The following ROBO1 variants were observed in gnomAD, a reference collection of about 807,000 sequenced individuals.
The protein encoded by ROBO1 is roundabout guidance receptor 1.
In ROBO1, 149 loss-of-function variants were observed where a neutral mutation model predicts 195.9. The ratio of observed to expected loss-of-function variants is 0.76; its 90% CI spans 0.67 to 0.87. The LOEUF (loss-of-function observed/expected upper bound fraction) is 0.87. Among genes scored for constraint, ROBO1 ranks in the 40% least tolerant of loss-of-function variants. ROBO1 has a pLI of 0.00. For missense variants in ROBO1, 1,933 were observed against 2,068.3 expected (o/e 0.93, Z 1.27); for synonymous variants, 816 against 733.2 (o/e 1.11, Z -1.82).
intron 2 of ROBO1, among the ~76,000 whole-genome samples, chr3:79,249,405 C>T (rs2082680227): frequency 1.3e-5 from 2 of 152,140 alleles, no homozygotes; most frequent in South Asian, 2.1e-4. Flanking sequence ...CAATAACTTT[C>T]GTGGTCATCT....
chr3:79,668,237 T>G (rs1946527663), intron 1 of ROBO1, among the ~76,000 whole-genome samples: 1 of 151,796 alleles, frequency 6.6e-6, no homozygotes. Flanking sequence ...TATTTAAAAT[T>G]AAAAGCTGAA....
intron 4 of ROBO1, among the ~76,000 whole-genome samples, chr3:78,922,906 T>C (rs1365926849): frequency 2.6e-5 from 4 of 152,150 alleles, no homozygotes; most frequent in Non-Finnish European, 4.4e-5. Context: ...ACTCATTGTC[T>C]GATTTTCTTT....
In ROBO1 at chr3:78,607,015, G is replaced by C. The variant is rs1265012079; in HGVS notation, c.4462C>G (p.Pro1488Ala). The stretch of plus-strand genomic sequence containing the variant: ...TGGGCAGTAGGTGACTTTATAGCAG[G>C]TGGCGGCACAGGAGGTGGTGGAAGA... ...DDLPPPPVPP[P>A]AIKSPTAQSK... Residue 1488 changes from proline to alanine, a missense_variant, in exon 29 of 31, where the codon CCT (proline) becomes GCT (alanine). Physicochemically the swap from Pro to Ala is conservative, Grantham distance 27. This residue lies in a region of ROBO1 where 1,737 missense variants were observed against 1,882.5 expected (regional missense o/e 0.92). Transcript: ENST00000464233. 3.1e-6 allele frequency: 5 copies of C among 1,611,838 alleles called. No homozygotes were observed. Among genetic ancestry groups the C allele is most frequent in the Non-Finnish European group, 4.2e-6 (5 of 1,178,214 alleles).
intron 3 of ROBO1, among the ~76,000 whole-genome samples, chr3:78,942,926 T>G (rs972987956): frequency 2.0e-5 from 3 of 151,774 alleles, no homozygotes; most frequent in African/African-American, 7.3e-5. Context: ...AAGTTTATTT[T>G]TTTTTTTGCC....
At chr3:78,885,424 A>AC (rs2036494304) in intron 4 of ROBO1, among the ~76,000 whole-genome samples, 1 of 145,990 alleles carries the variant, frequency 6.8e-6, no homozygotes, top group Admixed American at 6.7e-5. Flanking sequence ...AAAAAAAAAA[A>AC]AAAAAAAAAA....
chr3:79,596,784 G>T (rs760531400), intron 1 of ROBO1, among the ~76,000 whole-genome samples: 6 of 151,968 alleles, frequency 3.9e-5, no homozygotes, highest in Non-Finnish European at 8.8e-5. Context: ...TTGAATGCAA[G>T]ACTAAATTCC....
intron 1 of ROBO1, among the ~76,000 whole-genome samples, chr3:79,725,933 A>T (rs35047166): frequency 0.29 from 43,887 of 151,260 alleles, 7,669 homozygotes; most frequent in East Asian, 0.57. Flanking sequence ...TAAAAAAAAA[A>T]GTATATCTGG....
At chr3:79,671,177 G>A (rs1946621290) in intron 1 of ROBO1, among the ~76,000 whole-genome samples, 1 of 151,754 alleles carries the variant, frequency 6.6e-6, no homozygotes, top group South Asian at 2.1e-4. Context: ...TGGGTGACAA[G>A]CAATTAATTA....
At chr3:79,300,954 T>C (rs1389116575) in intron 2 of ROBO1, among the ~76,000 whole-genome samples, 2 of 152,066 alleles carry the variant, frequency 1.3e-5, no homozygotes, top group Non-Finnish European at 2.9e-5. Context: ...ATCAGCGCCC[T>C]GTCAAAACAC....
intron 2 of ROBO1, among the ~76,000 whole-genome samples, chr3:79,497,728 G>A (rs1002510274): frequency 6.6e-6 from 1 of 152,104 alleles, no homozygotes; most frequent in Admixed American, 6.6e-5. Context: ...TTATATTTTG[G>A]TGCTTTCAAT....
rs556762488 is a variant in ROBO1 at position 79,136,693 on chromosome 3, A to G, written c.89-11154T>C. ...CTTTAAATTTGCATCAAAATTCTAT[A>G]AGATCAAATTTAAGTTAAACTCAAA... On this transcript the variant is annotated intron_variant, in intron 2 of 30. Transcript: ENST00000464233. 2.6e-5 allele frequency among the ~76,000 whole-genome samples: 4 copies of G among 152,260 alleles called. No homozygotes were observed. In the East Asian group the frequency reaches 7.7e-4, roughly 29 times the overall value.
intron 1 of ROBO1, among the ~76,000 whole-genome samples, chr3:79,668,070 G>A (rs1946523753): frequency 6.6e-6 from 1 of 151,798 alleles, no homozygotes; most frequent in Admixed American, 6.6e-5. Context: ...CAATCCTTAT[G>A]TGATACAACA....
At chr3:78,787,917 A>G (rs1288031108) in intron 4 of ROBO1, among the ~76,000 whole-genome samples, 1 of 126,412 alleles carries the variant, frequency 7.9e-6, no homozygotes, top group Admixed American at 8.4e-5. Context: ...ACAGAGTTAG[A>G]CCCCTTCTCT....
At chr3:79,030,028 AACACTT>A (rs950175183) in intron 3 of ROBO1, among the ~76,000 whole-genome samples, 30 of 152,336 alleles carry the variant, frequency 2.0e-4, no homozygotes, top group African/African-American at 7.2e-4. Context: ...AGTTTTGAAA[AACACTT>A]AGCTAGACAA....
At chr3:79,541,705 A>G (rs932723141) in intron 2 of ROBO1, among the ~76,000 whole-genome samples, 4 of 151,844 alleles carry the variant, frequency 2.6e-5, no homozygotes, top group East Asian at 1.9e-4. Context: ...TGTGACATCT[A>G]TAAGATAGTT....
intron 28 of ROBO1, among the ~76,000 whole-genome samples, chr3:78,610,250 T>A: frequency 6.6e-6 from 1 of 152,290 alleles, no homozygotes; most frequent in African/African-American, 2.4e-5. Context: ...TCTACTACTT[T>A]AACAGATTTT....
At chr3:78,753,739 A>G (rs1420161018) in intron 4 of ROBO1, among the ~76,000 whole-genome samples, 2 of 152,136 alleles carry the variant, frequency 1.3e-5, no homozygotes, top group African/African-American at 4.8e-5. Context: ...ACCTGTGTCC[A>G]TGTGTTCTCA....
chr3:79,169,894 TCTTAA>T (rs1392744235), intron 2 of ROBO1, among the ~76,000 whole-genome samples: 37 of 152,236 alleles, frequency 2.4e-4, no homozygotes, highest in African/African-American at 7.9e-4. Context: ...CCTACAAAAC[TCTTAA>T]CTTAAAGAGG....
chr3:79,557,453 G>A (rs1942742763), intron 2 of ROBO1, among the ~76,000 whole-genome samples: 1 of 151,780 alleles, frequency 6.6e-6, no homozygotes, highest in Non-Finnish European at 1.5e-5. Flanking sequence ...GGATAATTTA[G>A]GCCAGGCACA....
Sources: gnomAD v4.1 joint callset for allele counts (sites outside exome capture counted in the v4.1 genomes callset) on GRCh38, gnomAD v4.1.1 for gene constraint, gnomAD v4.1.1 regional missense constraint, MANE v1.5 for transcripts, NCBI Gene and HGNC (gene_info 2026-07-23, HGNC 2026-07-21) for gene names.